Variants in TGFB2 observed in about 807,000 individuals in gnomAD.
TGFB2 encodes the protein transforming growth factor beta-2 proprotein.
Under a neutral mutation model 42.7 loss-of-function variants are expected in TGFB2, and 13 were observed. That is an observed-to-expected ratio of 0.30 (90% CI 0.20 to 0.48). TGFB2 has a LOEUF of 0.48. Among genes scored for constraint, TGFB2 ranks in the 20% least tolerant of loss-of-function variants. The probability of loss-of-function intolerance (pLI) is 0.99; values close to 1 mark genes in which losing one functional copy is unlikely to be tolerated. For missense variants in TGFB2, 390 were observed against 517.5 expected, an observed-to-expected ratio of 0.75 and a Z score of 2.39; for synonymous variants, 193 against 193.6, an observed-to-expected ratio of 1.00 and a Z score of 0.03.
At chr1:218,381,251 TG>T (rs1657948765) in intron 1 of TGFB2, among the ~76,000 whole-genome samples, 7 of 134,276 alleles carry the variant, frequency 5.2e-5, no homozygotes, top group African/African-American at 1.6e-4. Flanking sequence ...TTTTTGTTTT[TG>T]TTTTTGTTTT....
chr1:218,389,427 G>A (rs1208325264), intron 1 of TGFB2, among the ~76,000 whole-genome samples: 6 of 152,242 alleles, frequency 3.9e-5, no homozygotes, highest in South Asian at 4.1e-4. Flanking sequence ...TTCCTGTACC[G>A]GTCCCATATG....
chr1:218,383,525 T>C (rs940612398), intron 1 of TGFB2, among the ~76,000 whole-genome samples: 2 of 152,096 alleles, frequency 1.3e-5, no homozygotes, highest in Non-Finnish European at 2.9e-5. Context: ...GAGAAGTGTG[T>C]GTATGTGGGG....
intron 1 of TGFB2, among the ~76,000 whole-genome samples, chr1:218,366,826 T>C (rs1025314297): frequency 6.6e-6 from 1 of 152,234 alleles, no homozygotes; most frequent in Non-Finnish European, 1.5e-5. Flanking sequence ...CACATCTGTT[T>C]ACTCAGTCAT....
At chr1:218,382,753 G>A (rs1279021430) in intron 1 of TGFB2, among the ~76,000 whole-genome samples, 1 of 152,116 alleles carries the variant, frequency 6.6e-6, no homozygotes, top group African/African-American at 2.4e-5. Context: ...TGATGAATCG[G>A]CCAGTCTCTG....
chr1:218,443,049 C>T lies in TGFB2; in HGVS notation c.*1687C>T, dbSNP rs921409704. On this transcript the variant is annotated 3_prime_UTR_variant, in exon 7 of 7. Transcript: ENST00000366930. ...TTCAAAAGGGGAAAAAAGTCCAGGTCAGCATAAGTCATTTTGTGTATTTCA... is the reference window on the plus strand; with the variant it reads ...TTCAAAAGGGGAAAAAAGTCCAGGTTAGCATAAGTCATTTTGTGTATTTCA... 6.6e-6 allele frequency: 1 copy of T among 152,106 alleles called. No homozygotes were observed. The highest frequency in any genetic ancestry group is 2.4e-5 in the African/African-American group (1 of 41,432). 9.4% of individuals were successfully genotyped at this position (152,106 alleles called of 1,614,324 possible).
intron 1 of TGFB2, among the ~76,000 whole-genome samples, chr1:218,379,137 T>TTC (rs1215647678): frequency 2.0e-5 from 3 of 149,816 alleles, no homozygotes; most frequent in Non-Finnish European, 3.0e-5. Context: ...TTTCTTTTTT[T>TTC]TTTTTCTTTT....
Position 218,350,330 on chromosome 1 carries a change from G to A in TGFB2, c.346+3283G>A, listed in dbSNP as rs181126084. Among the ~76,000 whole-genome samples the A allele has an allele frequency of 2.9e-3, 441 of 152,222 alleles. 3 individuals carry two copies. The highest frequency in any genetic ancestry group is 0.01 in the African/African-American group (417 of 41,528). ...CCCGCACCCCTACTCCCACTGGAAC[G>A]TTTGGCAATGTCCAGAGACACTTTG... On this transcript the variant is annotated intron_variant, in intron 1 of 6. Coordinates refer to ENST00000366930, the MANE Select transcript of TGFB2 (RefSeq NM_003238.6).
rs1437643279 is a variant in TGFB2 at position 218,434,454 on chromosome 1, C to A, written c.754+6C>A. ...ACTAGAAGCAAGATTTGCAGGTAAC[C>A]AAAACTTGGTCATATGAGGTGGGGG... On this transcript the variant is annotated splice_donor_region_variant and intron_variant, in intron 4 of 6. Coordinates refer to ENST00000366930, the MANE Select transcript of TGFB2 (RefSeq NM_003238.6). The A allele has an allele frequency of 6.4e-6, 10 of 1,574,516 alleles. No individual in the cohort carries two copies. Among genetic ancestry groups the A allele is most frequent in the Non-Finnish European group, 8.7e-6 (10 of 1,145,106 alleles).
chr1:218,353,814 T>G (rs1656943533), intron 1 of TGFB2, among the ~76,000 whole-genome samples: 1 of 152,128 alleles, frequency 6.6e-6, no homozygotes, highest in Non-Finnish European at 1.5e-5. Flanking sequence ...TGCTTGAGCC[T>G]AGGAGTTTGA....
intron 1 of TGFB2, among the ~76,000 whole-genome samples, chr1:218,364,798 A>C (rs1422264478): frequency 6.6e-6 from 1 of 152,184 alleles, no homozygotes; most frequent in Non-Finnish European, 1.5e-5. Flanking sequence ...AGAGCCTCAA[A>C]GTGGCTACAA....
chr1:218,419,487 C>G (rs1364844837), intron 2 of TGFB2, among the ~76,000 whole-genome samples: 2 of 151,778 alleles, frequency 1.3e-5, no homozygotes, highest in East Asian at 3.9e-4. Flanking sequence ...CATATTTGAT[C>G]TATTCCATCT....
At chr1:218,401,452 G>A (rs1446214291) in intron 1 of TGFB2, among the ~76,000 whole-genome samples, 1 of 152,118 alleles carries the variant, frequency 6.6e-6, no homozygotes, top group Non-Finnish European at 1.5e-5. Flanking sequence ...TTCCCCGGGA[G>A]GAAGGCCCAT....
At chr1:218,406,817 T>G (rs1658928079) in intron 2 of TGFB2, among the ~76,000 whole-genome samples, 1 of 152,086 alleles carries the variant, frequency 6.6e-6, no homozygotes, top group Non-Finnish European at 1.5e-5. Context: ...AAAGATAGTG[T>G]GTAGAGTGAC....
intron 1 of TGFB2, among the ~76,000 whole-genome samples, chr1:218,349,434 T>A (rs1476946232): frequency 2.0e-5 from 3 of 152,260 alleles, no homozygotes; most frequent in African/African-American, 7.2e-5. Flanking sequence ...TTAGGACTTT[T>A]CTGCCTAACT....
chr1:218,443,875 G>C lies in TGFB2; in HGVS notation c.*2513G>C, dbSNP rs1660236809. The C allele has an allele frequency of 6.6e-6, 1 of 151,800 alleles. No homozygotes were observed. Among genetic ancestry groups the C allele is most frequent in the South Asian group, 2.1e-4 (1 of 4,798 alleles). 9.4% of individuals were successfully genotyped at this position (151,800 alleles called of 1,614,324 possible). A position where few individuals can be genotyped will look rare whatever the true frequency, so the allele number is the denominator to read the frequency against. ...AGCAGTACAATTTGATCGTTGGCAT[G>C]GTTAAAAAATGGAATATAAGATTAG... On this transcript the variant is annotated 3_prime_UTR_variant, in exon 7 of 7. Transcript: ENST00000366930.
chr1:218,398,892 A>AT (rs1049650735), intron 1 of TGFB2, among the ~76,000 whole-genome samples: 1 of 151,434 alleles, frequency 6.6e-6, no homozygotes, highest in Non-Finnish European at 1.5e-5. Flanking sequence ...GATTATTTTA[A>AT]TTTTTTTTAG....
chr1:218,414,023 T>C (rs929704920), intron 2 of TGFB2, among the ~76,000 whole-genome samples: 4 of 152,290 alleles, frequency 2.6e-5, no homozygotes, highest in African/African-American at 7.2e-5. Flanking sequence ...TACTGGACAT[T>C]GCATATGTAA....
chr1:218,382,920 G>A (rs1312961944), intron 1 of TGFB2, among the ~76,000 whole-genome samples: 1 of 152,146 alleles, frequency 6.6e-6, no homozygotes, highest in Non-Finnish European at 1.5e-5. Flanking sequence ...TCTATATGGA[G>A]GTATGAGGTG....
At chr1:218,392,119 A>G (rs1234564215) in intron 1 of TGFB2, among the ~76,000 whole-genome samples, 1 of 152,228 alleles carries the variant, frequency 6.6e-6, no homozygotes, top group Non-Finnish European at 1.5e-5. Flanking sequence ...TGGGAGGCCA[A>G]GGTGGGCGGA....
Sources: allele counts gnomAD v4.1 joint callset (sites outside exome capture counted in the v4.1 genomes callset), GRCh38; gene constraint gnomAD v4.1.1; transcripts MANE v1.5; gene names NCBI Gene and HGNC (gene_info 2026-07-23, HGNC 2026-07-21).